SYNPR: variants seen among roughly 807,000 people sequenced by gnomAD.
The protein encoded by SYNPR is synaptoporin.
SYNPR carries 23 observed loss-of-function variants against 32.9 expected under a neutral mutation model. The ratio of observed to expected loss-of-function variants is 0.70; its 90% CI spans 0.50 to 0.99. The LOEUF (loss-of-function observed/expected upper bound fraction) is 0.99, where lower values mean the gene tolerates loss of function less well. Among genes scored for constraint, SYNPR ranks in the 50% least tolerant of loss-of-function variants. The probability of loss-of-function intolerance (pLI) is 0.00; values close to 1 mark genes in which losing one functional copy is unlikely to be tolerated. For synonymous variants in SYNPR, 146 were observed against 135.9 expected, an observed-to-expected ratio of 1.07 and a Z score of -0.52; for missense variants, 318 against 349.3, an observed-to-expected ratio of 0.91 and a Z score of 0.71.
intron 1 of SYNPR, among the ~76,000 whole-genome samples, chr3:63,243,440 T>C (rs1035952739): frequency 3.3e-5 from 5 of 152,104 alleles, no homozygotes; most frequent in Non-Finnish European, 7.4e-5. Context: ...TGTAAGCATG[T>C]CTTATTTAGT....
At chr3:63,413,985 GA>G (rs956389037) in intron 2 of SYNPR, among the ~76,000 whole-genome samples, 45 of 150,818 alleles carry the variant, frequency 3.0e-4, no homozygotes, top group Admixed American at 1.1e-3. Flanking sequence ...AGAGGAGAGG[GA>G]AAAAAATATA....
At chr3:63,347,931 C>T (rs927664773) in intron 2 of SYNPR, among the ~76,000 whole-genome samples, 1 of 148,574 alleles carries the variant, frequency 6.7e-6, no homozygotes, top group African/African-American at 2.5e-5. Context: ...GTATATATCA[C>T]ATTTTCTTAA....
At chr3:63,232,394 G>A (rs1003779006) in intron 1 of SYNPR, among the ~76,000 whole-genome samples, 6 of 151,828 alleles carry the variant, frequency 4.0e-5, no homozygotes, top group Non-Finnish European at 7.4e-5. Flanking sequence ...TAGAGACAGC[G>A]TTTTTGCCAT....
At chr3:63,576,881 C>T (rs1559541203) in intron 4 of SYNPR, among the ~76,000 whole-genome samples, 1 of 151,976 alleles carries the variant, frequency 6.6e-6, no homozygotes, top group Non-Finnish European at 1.5e-5. Flanking sequence ...AACATGTTGA[C>T]CAGGACAAAG....
At chr3:63,456,735 T>C (rs1700490199) in intron 2 of SYNPR, among the ~76,000 whole-genome samples, 1 of 152,094 alleles carries the variant, frequency 6.6e-6, no homozygotes, top group Admixed American at 6.6e-5. Flanking sequence ...ATCTGATTCA[T>C]GATCACGCCT....
chr3:63,424,683 A>T (rs1575636796), intron 2 of SYNPR, among the ~76,000 whole-genome samples: 1 of 152,222 alleles, frequency 6.6e-6, no homozygotes, highest in South Asian at 2.1e-4. Flanking sequence ...CTCTGTTAGC[A>T]CACACCAAAA....
intron 3 of SYNPR, among the ~76,000 whole-genome samples, chr3:63,522,967 A>G (rs747478642): frequency 1.3e-5 from 2 of 152,078 alleles, no homozygotes; most frequent in East Asian, 3.9e-4. Context: ...TGCAGTGAGG[A>G]AAGTGGAATA....
At chr3:63,492,947 T>C (rs1238294719) in intron 3 of SYNPR, among the ~76,000 whole-genome samples, 1 of 152,134 alleles carries the variant, frequency 6.6e-6, no homozygotes, top group Non-Finnish European at 1.5e-5. Context: ...AGCCTCGGAA[T>C]GGCAGAAGGA....
upstream of SYNPR, among the ~76,000 whole-genome samples, chr3:63,276,327 G>C (rs2086573601): frequency 6.6e-6 from 1 of 152,128 alleles, no homozygotes; most frequent in Admixed American, 6.5e-5. Flanking sequence ...GCAGGACATT[G>C]CTACAATCTA....
chr3:63,555,023 T>C (rs1344007831), intron 3 of SYNPR, among the ~76,000 whole-genome samples: 1 of 152,118 alleles, frequency 6.6e-6, no homozygotes, highest in African/African-American at 2.4e-5. Flanking sequence ...CTGGACATTA[T>C]TGGTGTATAG....
chr3:63,393,399 GTGT>G (rs2088165272), intron 2 of SYNPR, among the ~76,000 whole-genome samples: 2 of 151,270 alleles, frequency 1.3e-5, no homozygotes, highest in African/African-American at 4.9e-5. Context: ...CTTTTCATTA[GTGT>G]TGGACTGTTG....
intron 1 of SYNPR, among the ~76,000 whole-genome samples, chr3:63,247,284 G>A (rs2086299736): frequency 6.6e-6 from 1 of 151,376 alleles, no homozygotes; most frequent in African/African-American, 2.4e-5. Context: ...TTCCTGTCTG[G>A]TCCTGCACAA....
At chr3:63,369,184 C>T (rs1180721613) in intron 2 of SYNPR, among the ~76,000 whole-genome samples, 1 of 152,120 alleles carries the variant, frequency 6.6e-6, no homozygotes, top group Non-Finnish European at 1.5e-5. Context: ...GCACAAAAGG[C>T]GGCCATGTGA....
chr3:63,311,902 G>C (rs1239496661), intron 2 of SYNPR, among the ~76,000 whole-genome samples: 1 of 151,878 alleles, frequency 6.6e-6, no homozygotes, highest in Admixed American at 6.6e-5. Flanking sequence ...GGAATTAGGA[G>C]ACCTAAGACA....
intron 3 of SYNPR, among the ~76,000 whole-genome samples, chr3:63,484,124 C>T (rs973369449): frequency 3.3e-5 from 5 of 152,028 alleles, no homozygotes; most frequent in Non-Finnish European, 5.9e-5. Context: ...ATAAATATGC[C>T]GAAGTGCATA....
chr3:63,383,366 A>G (rs2087997605), intron 2 of SYNPR, among the ~76,000 whole-genome samples: 1 of 152,186 alleles, frequency 6.6e-6, no homozygotes, highest in South Asian at 2.1e-4. Flanking sequence ...TATCTTTTCC[A>G]TATTTATTAA....
Position 63,343,148 on chromosome 3 carries a change from G to A in SYNPR, c.84+64406G>A, listed in dbSNP as rs146770816. ...ATTTGAGGATGAAGGAAAACTAGCC[G>A]GAGTGGAAAGAGCAACAAGGAATTG... On this transcript the variant is annotated intron_variant, in intron 2 of 5. Transcript: ENST00000478300. Among the ~76,000 whole-genome samples, 464 of 152,248 alleles carry A rather than the reference G, an allele frequency of 3.0e-3. 2 individuals are homozygous for A. The highest frequency in any genetic ancestry group is 0.011 in the African/African-American group (448 of 41,534).
intron 2 of SYNPR, among the ~76,000 whole-genome samples, chr3:63,357,429 T>C (rs1037582394): frequency 2.0e-5 from 3 of 152,212 alleles, no homozygotes; most frequent in African/African-American, 7.2e-5. Flanking sequence ...CAGCTAGCCA[T>C]GAGTCTTTGG....
intron 3 of SYNPR, among the ~76,000 whole-genome samples, chr3:63,555,836 A>T (rs1311054523): frequency 1.3e-5 from 2 of 152,242 alleles, no homozygotes; most frequent in Non-Finnish European, 2.9e-5. Flanking sequence ...GACTGAAAAA[A>T]AAAGTAATCA....
Sources: allele counts gnomAD v4.1 joint callset (sites outside exome capture counted in the v4.1 genomes callset), GRCh38; gene constraint gnomAD v4.1.1; transcripts MANE v1.5; gene names NCBI Gene and HGNC (gene_info 2026-07-23, HGNC 2026-07-21).